Variants in CUX2 observed in about 807,000 individuals in gnomAD.
CUX2 encodes the protein homeobox protein cut-like 2.
In CUX2, 40 loss-of-function variants were observed where a neutral mutation model predicts 144.8. The ratio of observed to expected loss-of-function variants is 0.28; its 90% confidence interval spans 0.21 to 0.36. The LOEUF (loss-of-function observed/expected upper bound fraction) is 0.36, where lower values mean the gene tolerates loss of function less well. Ranked by LOEUF, CUX2 falls within the 10% of genes least tolerant of loss-of-function variation. The pLI is 1.00. For synonymous variants in CUX2, 827 were observed against 875.6 expected (o/e 0.94, Z 0.98); for missense variants, 1,615 against 1,994.0 (o/e 0.81, Z 3.62).
intron 1 of CUX2, among the ~76,000 whole-genome samples, chr12:111,081,625 G>A (rs1871893812): frequency 1.3e-5 from 2 of 152,154 alleles, no homozygotes; most frequent in African/African-American, 4.8e-5. Context: ...TGGCCATAAA[G>A]CATGACAGAT....
rs1887459094 is a variant in CUX2, at chr12:111,320,372, A to G, written c.2363A>G (p.His788Arg). 6.3e-7 allele frequency: 1 copy of G among 1,597,890 alleles called. No homozygotes were observed. Among genetic ancestry groups the G allele is most frequent in the Admixed American group, 1.7e-5 (1 of 59,942 alleles). ...EIGDAGYFDHHWASDRGLLSR... is the reference protein window; with the variant it reads ...EIGDAGYFDHRWASDRGLLSR... ...GGCGACGCCGGCTACTTCGACCACC[A>G]CTGGGCCTCCGACCGCGGCCTGCTC... is the stretch of plus-strand genomic sequence containing the variant. The change falls in exon 17 of 22, where the codon CAC becomes CGC. Residue 788 changes from histidine to arginine, a missense_variant. Physicochemically the swap from His to Arg is conservative, Grantham distance 29. This residue lies in a region of CUX2 where 390 missense variants were observed against 387.1 expected (regional missense o/e 1.01). Coordinates refer to ENST00000261726, the MANE Select transcript of CUX2 (RefSeq NM_015267.4). The surrounding 1 kb of genome is among the most constrained non-coding windows in gnomAD (Gnocchi z 8.1).
At chr12:111,169,312 G>T (rs577947602) in intron 1 of CUX2, among the ~76,000 whole-genome samples, 3 of 151,920 alleles carry the variant, frequency 2.0e-5, no homozygotes, top group Non-Finnish European at 4.4e-5. Context: ...CAGAGTGAGC[G>T]CAGCCCTGCC....
chr12:111,294,659 G>T (rs1041560210), intron 6 of CUX2, among the ~76,000 whole-genome samples: 3 of 151,492 alleles, frequency 2.0e-5, no homozygotes, highest in Non-Finnish European at 2.9e-5. Context: ...CACTTTGAGA[G>T]ACTGAGGCAG....
intron 10 of CUX2, among the ~76,000 whole-genome samples, chr12:111,305,642 G>A (rs1264756324): frequency 6.6e-6 from 1 of 151,872 alleles, no homozygotes; most frequent in African/African-American, 2.4e-5. Context: ...TCCAGCCTGG[G>A]CAATACAGCA....
intron 1 of CUX2, among the ~76,000 whole-genome samples, chr12:111,082,051 C>T (rs908685179): frequency 2.6e-5 from 4 of 152,148 alleles, no homozygotes; most frequent in African/African-American, 4.8e-5. Flanking sequence ...AGGCAATTTT[C>T]GTGTTTGGCT....
chr12:111,170,833 GT>G (rs1878476014), intron 1 of CUX2, among the ~76,000 whole-genome samples: 1 of 152,070 alleles, frequency 6.6e-6, no homozygotes, highest in Admixed American at 6.6e-5. Flanking sequence ...CCGTGGCTGG[GT>G]CCCTGACCTC....
intron 1 of CUX2, among the ~76,000 whole-genome samples, chr12:111,047,418 C>T (rs1331075958): frequency 6.6e-6 from 1 of 152,062 alleles, no homozygotes; most frequent in Non-Finnish European, 1.5e-5. Context: ...CTACAGTTCG[C>T]GTTTTTACCT....
chr12:111,155,933 AAAT>A (rs1467659722), intron 1 of CUX2, among the ~76,000 whole-genome samples: 20 of 152,120 alleles, frequency 1.3e-4, no homozygotes, highest in African/African-American at 4.8e-4. Context: ...TAAAAAAAAA[AAAT>A]AAAAATAAAA....
At chr12:111,055,886 C>T (rs192439058) in intron 1 of CUX2, among the ~76,000 whole-genome samples, 123 of 152,356 alleles carry the variant, frequency 8.1e-4, no homozygotes, top group African/African-American at 2.8e-3. Flanking sequence ...CAAACCACTT[C>T]GCTGGGAGTC....
chr12:111,342,185 A>T, intron 21 of CUX2, 132 bp downstream of exon 21: 1 of 1,092,666 alleles, frequency 9.2e-7, no homozygotes, highest in South Asian at 1.6e-5. Context: ...GCACTTAGAT[A>T]TAGAACACAG....
At chr12:111,179,721 G>T (rs1437769318) in intron 1 of CUX2, among the ~76,000 whole-genome samples, 1 of 151,342 alleles carries the variant, frequency 6.6e-6, no homozygotes, top group Non-Finnish European at 1.5e-5. Context: ...CTGTACCCCA[G>T]GCTGGAGTGC....
intron 1 of CUX2, among the ~76,000 whole-genome samples, chr12:111,089,339 TGGG>T (rs955772769): frequency 1.3e-5 from 2 of 152,136 alleles, no homozygotes; most frequent in Non-Finnish European, 2.9e-5. Context: ...ATCTGAGAAA[TGGG>T]GGGAGTAATG....
At chr12:111,205,252 G>A (rs989560865) in intron 1 of CUX2, among the ~76,000 whole-genome samples, 3 of 151,890 alleles carry the variant, frequency 2.0e-5, no homozygotes, top group African/African-American at 2.4e-5. Flanking sequence ...CTCTGAAGGC[G>A]ACACTCCCAA....
In CUX2 at chr12:111,057,504, A is replaced by G. The variant is rs996359936; in HGVS notation, c.63+23264A>G. Among the ~76,000 whole-genome samples, 6 of 152,016 alleles carry G rather than the reference A, an allele frequency of 3.9e-5. No homozygotes were observed. Among genetic ancestry groups the G allele is most frequent in the African/African-American group, 1.4e-4 (6 of 41,386 alleles). ...CCTTGCTTTCCAAGCTGCCCTCTTG[A>G]GGGCCTCAGGGTGACCAGGCCGATT... On this transcript the variant is annotated intron_variant, in intron 1 of 21. Transcript: ENST00000261726. The surrounding 1 kb of genome is among the most constrained non-coding windows in gnomAD (Gnocchi z 5.1).
At chr12:111,114,257 A>AT (rs542255987) in intron 1 of CUX2, among the ~76,000 whole-genome samples, 33 of 150,940 alleles carry the variant, frequency 2.2e-4, no homozygotes, top group South Asian at 8.4e-4. Context: ...TGATATTATC[A>AT]TTTTTTTTTC....
At chr12:111,309,975 G>GTC (rs765065425) in intron 14 of CUX2, 66 bp from the exon 15 acceptor site, 23 of 1,244,482 alleles carry the variant, frequency 1.8e-5, no homozygotes, top group Non-Finnish European at 2.2e-5. Flanking sequence ...TTTTCTCCCT[G>GTC]TCTCTCTCTC....
chr12:111,304,127 A>C lies in CUX2; in HGVS notation c.754-83A>C, dbSNP rs573900461. 7 of 1,179,886 alleles carry C rather than the reference A, an allele frequency of 5.9e-6. No individual in the cohort carries two copies. The Admixed American group carries it at 1.2e-4, about 20-fold the overall frequency. 73.1% of individuals were successfully genotyped at this position (1,179,886 alleles called of 1,614,324 possible). On this transcript the variant is annotated intron_variant, in intron 9 of 21. Transcript: ENST00000261726. This position sits in a 1 kb window ranked among gnomAD's most constrained non-coding sequence, Gnocchi z 4.7. Reference sequence around the variant, plus strand: ...GAGGCCCTCGGAGGTCTGCCTCCCCAACCCCTGCCTGAAACAGTGCAGGGA... The same window carrying C: ...GAGGCCCTCGGAGGTCTGCCTCCCCCACCCCTGCCTGAAACAGTGCAGGGA...
chr12:111,301,093 A>C (rs1299935909), intron 9 of CUX2, among the ~76,000 whole-genome samples: 1 of 152,136 alleles, frequency 6.6e-6, no homozygotes, highest in Non-Finnish European at 1.5e-5. Context: ...AAGCACGTCT[A>C]ATAATGTTTT....
rs73413522 is a variant in CUX2, at chr12:111,068,819, C to A, written c.63+34579C>A. ...GAAAATCTCATGGTTAAGAATGTGGCCCTGGGCAGGGTTTGGTGGCTCATG... is the reference window on the plus strand; with the variant it reads ...GAAAATCTCATGGTTAAGAATGTGGACCTGGGCAGGGTTTGGTGGCTCATG... On this transcript the variant is annotated intron_variant, in intron 1 of 21. Coordinates refer to ENST00000261726, the MANE Select transcript of CUX2 (RefSeq NM_015267.4). The surrounding 1 kb of genome is among the most constrained non-coding windows in gnomAD (Gnocchi z 4.9). 0.026 allele frequency among the ~76,000 whole-genome samples: 3,973 copies of A among 152,254 alleles called. 160 individuals carry two copies. The highest frequency in any genetic ancestry group is 0.091 in the African/African-American group (3,772 of 41,544).
Sources: allele counts gnomAD v4.1 joint callset (sites outside exome capture counted in the v4.1 genomes callset), GRCh38; gene constraint gnomAD v4.1.1; regional missense constraint gnomAD v4.1.1; non-coding constraint Gnocchi (gnomAD v3.1); transcripts MANE v1.5; gene names NCBI Gene and HGNC (gene_info 2026-07-23, HGNC 2026-07-21).